P2RX3: variants seen among roughly 807,000 people sequenced by gnomAD.
P2RX3 encodes P2X purinoceptor 3.
Under a neutral mutation model 51.5 loss-of-function variants are expected in P2RX3, and 41 were observed. The ratio of observed to expected loss-of-function variants is 0.80; its 90% CI spans 0.62 to 1.03. P2RX3 has a LOEUF of 1.03. Ranked by LOEUF, P2RX3 falls within the 50% of genes least tolerant of loss-of-function variation. The pLI is 0.00. For synonymous variants in P2RX3, 185 were observed against 191.6 expected (o/e 0.97, Z 0.29); for missense variants, 459 against 522.1 (o/e 0.88, Z 1.18).
chr11:57,350,864 G>A lies in P2RX3; in HGVS notation c.808G>A (p.Glu270Lys). ...CTTCACCCGGCTCGACAGCGTTTCT[G>A]AGAAAAGCAGCGTGTCCCCAGGCTA... ...YSFTRLDSVS[E>K]KSSVSPGYNF... The change falls in exon 8 of 12, where the codon GAG (glutamate) becomes AAG (lysine). Residue 270 changes from glutamate to lysine, a missense_variant. Transcript: ENST00000263314. 3 of 1,614,170 alleles carry A rather than the reference G, an allele frequency of 1.9e-6. No homozygotes were observed. Among genetic ancestry groups the A allele is most frequent in the Non-Finnish European group, 2.5e-6 (3 of 1,180,036 alleles).
upstream of P2RX3, among the ~76,000 whole-genome samples, chr11:57,337,080 T>A (rs569237337): frequency 6.6e-6 from 1 of 151,700 alleles, no homozygotes; most frequent in East Asian, 1.9e-4. Flanking sequence ...TCACTTGAGG[T>A]CAGGAGTTTG....
intron 8 of P2RX3, among the ~76,000 whole-genome samples, chr11:57,357,335 T>C (rs2134434318): frequency 6.6e-6 from 1 of 152,140 alleles, no homozygotes; most frequent in East Asian, 1.9e-4. Flanking sequence ...AAAAAAGATA[T>C]AACAACTCAA....
chr11:57,365,163 CT>C (rs1247809470), intron 8 of P2RX3, among the ~76,000 whole-genome samples: 1 of 152,214 alleles, frequency 6.6e-6, no homozygotes, highest in Non-Finnish European at 1.5e-5. Context: ...GCTTGCTCCT[CT>C]GTAAAGTGGG....
intron 8 of P2RX3, among the ~76,000 whole-genome samples, chr11:57,364,747 T>C (rs1856772835): frequency 6.6e-6 from 1 of 152,226 alleles, no homozygotes; most frequent in African/African-American, 2.4e-5. Flanking sequence ...GTTGTGAGGC[T>C]GTCTTCCTCC....
At chr11:57,355,334 C>CT (rs1201675322) in intron 8 of P2RX3, among the ~76,000 whole-genome samples, 12,327 of 117,312 alleles carry the variant, frequency 0.11, 882 homozygotes, top group Non-Finnish European at 0.14. Flanking sequence ...TATTTTATTT[C>CT]TTTTTTTTTT....
In P2RX3 at chr11:57,369,961, G is replaced by A; in HGVS notation, c.1158G>A (p.Gln386=). Residue 386 remains glutamine (Q), a synonymous_variant, in exon 12 of 12, where the codon CAG becomes CAA. Transcript: ENST00000263314. ...YPSDQTTAEK[Q]STDSGAFSIG... ...GCGACCAGACCACAGCGGAGAAGCA[G>A]TCCACCGATTCGGGGGCCTTCTCCA... 6.2e-7 allele frequency: 1 copy of A among 1,613,998 alleles called. No individual in the cohort carries two copies. Among genetic ancestry groups the A allele is most frequent in the Non-Finnish European group, 8.5e-7 (1 of 1,179,950 alleles).
chr11:57,341,158 G>C (rs541212054), intron 1 of P2RX3, among the ~76,000 whole-genome samples: 1 of 152,198 alleles, frequency 6.6e-6, no homozygotes. Context: ...ATCTGAGTTG[G>C]GAAGAGCACC....
intron 8 of P2RX3, among the ~76,000 whole-genome samples, chr11:57,366,619 G>A (rs532955092): frequency 1.4e-4 from 22 of 152,220 alleles, no homozygotes; most frequent in African/African-American, 5.1e-4. Flanking sequence ...TCCGCTTTCC[G>A]TTGCTTCTAC....
chr11:57,348,654 C>A lies in P2RX3; in HGVS notation c.513C>A (p.Phe171Leu), dbSNP rs761920611. The change falls in exon 6 of 12, where the codon TTC (phenylalanine) becomes TTA (leucine). Residue 171 changes from phenylalanine (F) to leucine (L), a missense_variant. Phe to Leu is a conservative substitution (Grantham distance 22). Coordinates refer to ENST00000263314, the MANE Select transcript of P2RX3 (RefSeq NM_002559.5). Reference protein sequence around the residue: ...ETPIMMEAENFTIFIKNSIRF... With the variant: ...ETPIMMEAENLTIFIKNSIRF... ...CCATCATGATGGAAGCTGAGAACTTCACTATTTTCATCAAGAACAGCATCC... is the reference window on the plus strand; with the variant it reads ...CCATCATGATGGAAGCTGAGAACTTAACTATTTTCATCAAGAACAGCATCC... 8.1e-6 allele frequency: 13 copies of A among 1,613,990 alleles called. No homozygotes were observed. Among genetic ancestry groups the A allele is most frequent in the Non-Finnish European group, 1.0e-5 (12 of 1,179,944 alleles).
At chr11:57,342,043 C>A (rs1038899885) in intron 1 of P2RX3, among the ~76,000 whole-genome samples, 1 of 152,036 alleles carries the variant, frequency 6.6e-6, no homozygotes, top group Non-Finnish European at 1.5e-5. Context: ...TCCACTCCAT[C>A]CTCTCAGCCC....
intron 9 of P2RX3, 63 bp from the exon 10 acceptor site, chr11:57,368,309 C>T: frequency 6.4e-7 from 1 of 1,570,750 alleles, no homozygotes; most frequent in Non-Finnish European, 8.8e-7. Context: ...CCACGTGCAG[C>T]CTCGGGCCTC....
upstream of P2RX3, among the ~76,000 whole-genome samples, chr11:57,336,482 G>A (rs1046058733): frequency 6.6e-6 from 1 of 152,208 alleles, no homozygotes; most frequent in Non-Finnish European, 1.5e-5. Context: ...GGTTGCGGAA[G>A]CCAGGTCTCC....
chr11:57,345,077 G>T (rs551978398), intron 1 of P2RX3, among the ~76,000 whole-genome samples: 4 of 152,334 alleles, frequency 2.6e-5, no homozygotes, highest in African/African-American at 9.6e-5. Flanking sequence ...GTGACTTTCC[G>T]CAGCAGGCGG....
chr11:57,358,692 G>C (rs1856667769), intron 8 of P2RX3, among the ~76,000 whole-genome samples: 1 of 152,164 alleles, frequency 6.6e-6, no homozygotes, highest in Non-Finnish European at 1.5e-5. Context: ...GTGGGTGTCT[G>C]AGGAAGGGCT....
intron 1 of P2RX3, among the ~76,000 whole-genome samples, chr11:57,344,436 C>T (rs967958278): frequency 5.9e-5 from 9 of 152,174 alleles, no homozygotes; most frequent in Non-Finnish European, 1.0e-4. Flanking sequence ...TGGTGGATCC[C>T]GCCTGTAATC....
intron 8 of P2RX3, among the ~76,000 whole-genome samples, chr11:57,362,852 G>T (rs2134443170): frequency 6.6e-6 from 1 of 152,246 alleles, no homozygotes; most frequent in Non-Finnish European, 1.5e-5. Flanking sequence ...CACAGTGTCG[G>T]GTCACAGAGG....
intron 8 of P2RX3, among the ~76,000 whole-genome samples, chr11:57,359,129 G>A (rs1856676550): frequency 6.6e-6 from 1 of 152,198 alleles, no homozygotes; most frequent in African/African-American, 2.4e-5. Context: ...TAGACCTGCC[G>A]CCCCCGCGGG....
At chr11:57,364,981 G>A (rs1856776204) in intron 8 of P2RX3, among the ~76,000 whole-genome samples, 1 of 152,178 alleles carries the variant, frequency 6.6e-6, no homozygotes, top group Non-Finnish European at 1.5e-5. Flanking sequence ...TCCCAGGTCA[G>A]GCTGCCCTGG....
intron 8 of P2RX3, among the ~76,000 whole-genome samples, chr11:57,356,817 C>A (rs1220137760): frequency 6.6e-6 from 1 of 152,068 alleles, no homozygotes; most frequent in Non-Finnish European, 1.5e-5. Flanking sequence ...AATCCATTTT[C>A]TTCATCATTT....
Sources: allele counts gnomAD v4.1 joint callset (sites outside exome capture counted in the v4.1 genomes callset), GRCh38; gene constraint gnomAD v4.1.1; transcripts MANE v1.5; gene names NCBI Gene and HGNC (gene_info 2026-07-23, HGNC 2026-07-21).